UROS: variants seen among roughly 807,000 people sequenced by gnomAD.
UROS encodes the protein uroporphyrinogen III synthase.
Under a neutral mutation model 33.0 loss-of-function variants are expected in UROS, and 18 were observed. That is an observed-to-expected ratio of 0.55 (90% CI 0.38 to 0.81). The LOEUF (loss-of-function observed/expected upper bound fraction) is 0.81, where lower values mean the gene tolerates loss of function less well. UROS is among the 30% of genes least tolerant of loss of function. The pLI, the probability that UROS is intolerant of heterozygous loss-of-function variation, is 0.00. For missense variants in UROS, 293 were observed against 314.9 expected (o/e 0.93, Z 0.53); for synonymous variants, 114 against 121.1 (o/e 0.94, Z 0.38).
chr10:125,818,102 C>G (rs1383280242), intron 1 of UROS, among the ~76,000 whole-genome samples: 1 of 152,156 alleles, frequency 6.6e-6, no homozygotes, highest in Non-Finnish European at 1.5e-5. Context: ...CAACTACTAC[C>G]CTTATCCTTT....
At chr10:125,810,249 C>G (rs1182585499) in intron 5 of UROS, among the ~76,000 whole-genome samples, 20 of 152,162 alleles carry the variant, frequency 1.3e-4, no homozygotes, top group Admixed American at 1.3e-3. Context: ...ATGGATGCCA[C>G]TTCCAAGATT....
chr10:125,794,519 A>G (rs1321895886), intron 9 of UROS: 6 of 354,656 alleles, frequency 1.7e-5, no homozygotes, highest in Admixed American at 1.0e-4. Flanking sequence ...AATGGCAAAC[A>G]TAAGATGGGG....
At chr10:125,812,099 A>T (rs1852867915) in intron 5 of UROS, 115 bp downstream of exon 5, 12 of 970,432 alleles carry the variant, frequency 1.2e-5, no homozygotes, top group Admixed American at 1.0e-4. Context: ...TACTTAATTA[A>T]TTTTTGCAAA....
intron 6 of UROS, chr10:125,803,163 CT>C (rs74366862): frequency 0.44 from 528,427 of 1,203,664 alleles, 119,213 homozygotes; most frequent in Non-Finnish European, 0.46. Flanking sequence ...AGCTCTGTTC[CT>C]TATGGACAAG....
At chr10:125,796,921 C>T in intron 7 of UROS, 2 of 909,368 alleles carry the variant, frequency 2.2e-6, no homozygotes, top group Non-Finnish European at 2.6e-6. Context: ...AAAACAGCAA[C>T]CTATTGCCAT....
chr10:125,791,141 CAAT>C (rs1850907862), intron 9 of UROS, among the ~76,000 whole-genome samples: 1 of 150,038 alleles, frequency 6.7e-6, no homozygotes, highest in Admixed American at 6.6e-5. Flanking sequence ...GGCAATTCAA[CAAT>C]AAAACGACAA....
At position 125,815,222 on chromosome 10, in the gene UROS, A is replaced by C. The variant is rs1429202094; in HGVS notation, c.148-92T>G. The stretch of plus-strand genomic sequence containing the variant: ...AGACTCAGAATTCCAAATGCTTCAC[A>C]ATAGTAGTAGGCAAACTAATTCCTT... On this transcript the variant is annotated intron_variant, in intron 3 of 9. Coordinates refer to ENST00000368797, the MANE Select transcript of UROS (RefSeq NM_000375.3). The C allele has an allele frequency of 4.3e-6, 6 of 1,401,620 alleles. No homozygotes were observed. In the African/African-American group the frequency reaches 8.5e-5, roughly 20 times the overall value. 86.8% of individuals were successfully genotyped at this position (1,401,620 alleles called of 1,614,324 possible). A position where few individuals can be genotyped will look rare whatever the true frequency, so the allele number is the denominator to read the frequency against.
chr10:125,786,970 C>G (rs1170206350), downstream of UROS, among the ~76,000 whole-genome samples: 1 of 152,248 alleles, frequency 6.6e-6, no homozygotes, highest in Non-Finnish European at 1.5e-5. Flanking sequence ...CTCACGCAAT[C>G]GTCGAGGACA....
At chr10:125,802,662 T>A in intron 6 of UROS, 9 of 1,219,194 alleles carry the variant, frequency 7.4e-6, no homozygotes, top group Non-Finnish European at 9.3e-6. Context: ...CTGAACTGTA[T>A]GTTTTTAGCT....
chr10:125,809,138 T>G lies in UROS; in HGVS notation c.320-1651A>C, dbSNP rs1445312737. Among the ~76,000 whole-genome samples the G allele has an allele frequency of 9.8e-5, 15 of 152,366 alleles. 1 individual carries two copies. The South Asian group carries it at 1.9e-3, about 19-fold the overall frequency. ...TGTTATTTCTGGTAGAGAAGAGATTTCACCATGTTGCCCAGGCTGGTACAG... is the reference window on the plus strand; with the variant it reads ...TGTTATTTCTGGTAGAGAAGAGATTGCACCATGTTGCCCAGGCTGGTACAG... On this transcript the variant is annotated intron_variant, in intron 5 of 9. Coordinates refer to ENST00000368797, the MANE Select transcript of UROS (RefSeq NM_000375.3).
At chr10:125,796,597 AT>A (rs978096336) in intron 7 of UROS, among the ~76,000 whole-genome samples, 5 of 152,150 alleles carry the variant, frequency 3.3e-5, no homozygotes. Flanking sequence ...TGGAGTCCAG[AT>A]CCCCGGCTGC....
chr10:125,816,281 T>C (rs372949889), intron 2 of UROS, 21 bp from the exon 3 acceptor site: 14 of 1,611,806 alleles, frequency 8.7e-6, no homozygotes, highest in African/African-American at 2.7e-5. Context: ...AGAATATAGT[T>C]CTGGATTGGC....
chr10:125,795,979 G>A (rs1851316156), intron 8 of UROS, 124 bp downstream of exon 8: 1 of 850,908 alleles, frequency 1.2e-6, no homozygotes, highest in Non-Finnish European at 2.1e-6. Context: ...GAAAAGGCAT[G>A]CAGGTGACAG....
At chr10:125,814,137 T>C (rs1853080401) in intron 4 of UROS, among the ~76,000 whole-genome samples, 1 of 152,130 alleles carries the variant, frequency 6.6e-6, no homozygotes, top group Admixed American at 6.5e-5. Flanking sequence ...TCGCACAGAG[T>C]GAGCATTCAG....
chr10:125,789,432 C>G, intron 9 of UROS: 1 of 1,056,074 alleles, frequency 9.5e-7, no homozygotes, highest in Non-Finnish European at 1.2e-6. Context: ...CCATCAAGGT[C>G]AGGGCTCTGT....
chr10:125,800,565 CTTT>C (rs367801933), intron 6 of UROS, among the ~76,000 whole-genome samples: 2 of 140,384 alleles, frequency 1.4e-5, no homozygotes, highest in Admixed American at 7.1e-5. Flanking sequence ...TTCTTTCTTT[CTTT>C]TTTTTTTTTT....
At chr10:125,786,935 T>A (rs1850648402), downstream of UROS, among the ~76,000 whole-genome samples, 1 of 152,324 alleles carries the variant, frequency 6.6e-6, no homozygotes, top group Admixed American at 6.5e-5. Flanking sequence ...CCAGCCCAAT[T>A]GCCAAAGCAA....
At chr10:125,789,508 C>T in intron 9 of UROS, 2 of 316,016 alleles carry the variant, frequency 6.3e-6, no homozygotes, top group Non-Finnish European at 9.8e-6. Context: ...GGCCCATCCT[C>T]TCTGGCCTCC....
intron 1 of UROS, among the ~76,000 whole-genome samples, chr10:125,821,564 A>T (rs1411714881): frequency 6.6e-6 from 1 of 152,226 alleles, no homozygotes; most frequent in Non-Finnish European, 1.5e-5. Flanking sequence ...CACAATGTGA[A>T]TGCACTTCAT....
Sources: gnomAD v4.1 joint callset for allele counts (sites outside exome capture counted in the v4.1 genomes callset) on GRCh38, gnomAD v4.1.1 for gene constraint, MANE v1.5 for transcripts, NCBI Gene and HGNC (gene_info 2026-07-23, HGNC 2026-07-21) for gene names.